MECOM: variants seen among roughly 807,000 people sequenced by gnomAD.
MECOM encodes histone-lysine N-methyltransferase MECOM.
In MECOM, 13 loss-of-function variants were observed where a neutral mutation model predicts 116.3. The observed-to-expected ratio is 0.11, with a 90% CI of 0.07 to 0.18. The LOEUF is 0.18. Among genes scored for constraint, MECOM ranks in the 10% least tolerant of loss-of-function variants. The pLI is 1.00. For missense variants in MECOM, 1,299 were observed against 1,509.0 expected (o/e 0.86, Z 2.31); for synonymous variants, 528 against 535.2 (o/e 0.99, Z 0.19).
intron 9 of MECOM, among the ~76,000 whole-genome samples, chr3:169,111,221 T>C (rs1422005401): frequency 1.3e-5 from 2 of 152,144 alleles, no homozygotes; most frequent in African/African-American, 4.8e-5. Context: ...AATCCCTTTT[T>C]GGTTTTTCTC....
At chr3:169,296,205 C>G (rs1715569106) in intron 2 of MECOM, among the ~76,000 whole-genome samples, 1 of 152,168 alleles carries the variant, frequency 6.6e-6, no homozygotes, top group African/African-American at 2.4e-5. Flanking sequence ...TATGGGACTC[C>G]TAAGTCATTG....
intron 1 of MECOM, among the ~76,000 whole-genome samples, chr3:169,551,373 T>TAAA (rs201636185): frequency 6.9e-6 from 1 of 145,742 alleles, no homozygotes; most frequent in African/African-American, 2.5e-5. Context: ...ATCTACACTT[T>TAAA]AAAAAAAAAA....
chr3:169,305,210 TTAATTCA>T (rs1371923635), intron 2 of MECOM, among the ~76,000 whole-genome samples: 1 of 152,206 alleles, frequency 6.6e-6, no homozygotes, highest in Non-Finnish European at 1.5e-5. Flanking sequence ...AAGGAGCTAC[TTAATTCA>T]TAATATAATC....
chr3:169,659,620 C>T (rs936047382), intron 1 of MECOM, among the ~76,000 whole-genome samples: 1 of 152,000 alleles, frequency 6.6e-6, no homozygotes, highest in Non-Finnish European at 1.5e-5. Flanking sequence ...AAGGATTTTC[C>T]TCCTCAGAAG....
chr3:169,341,777 T>A (rs1481329192), intron 2 of MECOM, among the ~76,000 whole-genome samples: 1 of 151,598 alleles, frequency 6.6e-6, no homozygotes, highest in Non-Finnish European at 1.5e-5. Context: ...AACCTACTGT[T>A]TGATAGCACA....
chr3:169,420,001 T>C (rs765744762), intron 1 of MECOM, among the ~76,000 whole-genome samples: 2 of 152,066 alleles, frequency 1.3e-5, no homozygotes, highest in Non-Finnish European at 2.9e-5. Flanking sequence ...AACAAACATA[T>C]GAATAAAAGC....
At chr3:169,441,593 G>A (rs139868345) in intron 1 of MECOM, among the ~76,000 whole-genome samples, 29 of 152,158 alleles carry the variant, frequency 1.9e-4, no homozygotes, top group South Asian at 2.1e-4. Flanking sequence ...ATGGTATTAC[G>A]TGCATGTAGA....
At chr3:169,101,139 AC>A (rs76445355) in intron 11 of MECOM, among the ~76,000 whole-genome samples, 177 bp from the exon 12 acceptor site, 9,587 of 152,312 alleles carry the variant, frequency 0.063, 445 homozygotes, top group South Asian at 0.2. Context: ...AAATAACTCT[AC>A]AAATAAAGAC....
In MECOM at chr3:169,144,969, C is replaced by T. The variant is rs1188000078; in HGVS notation, c.376-1137G>A. 4.5e-6 allele frequency: 7 copies of T among 1,539,126 alleles called. No individual in the cohort carries two copies. In the Admixed American group the frequency reaches 7.6e-5, roughly 17 times the overall value. ...TTTGCATAGAATTCAGGCAATCACC[C>T]AATTGCAGATTCAAGTCATTAACTC... On this transcript the variant is annotated intron_variant, in intron 2 of 16. Transcript: ENST00000651503.
At chr3:169,405,804 AG>A (rs1736608389) in intron 1 of MECOM, among the ~76,000 whole-genome samples, 1 of 152,338 alleles carries the variant, frequency 6.6e-6, no homozygotes, top group East Asian at 1.9e-4. Context: ...TATGAGAAAA[AG>A]GGTGGTTGTA....
At chr3:169,412,929 A>G (rs1234437781) in intron 1 of MECOM, among the ~76,000 whole-genome samples, 1 of 152,242 alleles carries the variant, frequency 6.6e-6, no homozygotes, top group East Asian at 1.9e-4. Context: ...ACCATTGAGC[A>G]CTTACTTTTG....
chr3:169,418,050 A>G (rs931885330), intron 1 of MECOM, among the ~76,000 whole-genome samples: 2 of 151,586 alleles, frequency 1.3e-5, no homozygotes, highest in African/African-American at 2.4e-5. Flanking sequence ...TGGCACATGT[A>G]TACATATGTA....
chr3:169,649,424 AAAAAAT>A (rs1410871443), intron 1 of MECOM, among the ~76,000 whole-genome samples: 41 of 151,262 alleles, frequency 2.7e-4, no homozygotes, highest in Non-Finnish European at 5.3e-4. Flanking sequence ...AAAAAAAAAA[AAAAAAT>A]AGGAAAACAA....
intron 2 of MECOM, among the ~76,000 whole-genome samples, chr3:169,221,421 T>C (rs1487384112): frequency 1.3e-5 from 2 of 152,200 alleles, no homozygotes; most frequent in Non-Finnish European, 2.9e-5. Context: ...ACAATTACCC[T>C]AGCATCCAAA....
chr3:169,359,258 T>C (rs972798995), intron 2 of MECOM, among the ~76,000 whole-genome samples: 1 of 151,754 alleles, frequency 6.6e-6, no homozygotes, highest in African/African-American at 2.4e-5. Flanking sequence ...AGGTGCTTAG[T>C]TGGACTATAC....
chr3:169,207,847 A>C (rs1013172081), intron 2 of MECOM, among the ~76,000 whole-genome samples: 2 of 152,168 alleles, frequency 1.3e-5, no homozygotes, highest in African/African-American at 4.8e-5. Context: ...CAATATTGGC[A>C]GTCCCTTAGA....
At chr3:169,303,656 C>T (rs1717177096) in intron 2 of MECOM, among the ~76,000 whole-genome samples, 1 of 152,164 alleles carries the variant, frequency 6.6e-6, no homozygotes, top group Non-Finnish European at 1.5e-5. Context: ...TGTGAGTATC[C>T]AATCCTGATT....
intron 1 of MECOM, among the ~76,000 whole-genome samples, chr3:169,506,347 C>G (rs905710301): frequency 6.6e-6 from 1 of 152,156 alleles, no homozygotes; most frequent in East Asian, 1.9e-4. Context: ...GCCACATCCC[C>G]GCTGGTGCCG....
intron 1 of MECOM, among the ~76,000 whole-genome samples, chr3:169,645,580 A>C (rs996493734): frequency 6.6e-6 from 1 of 152,184 alleles, no homozygotes; most frequent in African/African-American, 2.4e-5. Flanking sequence ...ATTCTCCACA[A>C]ACATCCACTC....
Sources: gnomAD v4.1 joint callset for allele counts (sites outside exome capture counted in the v4.1 genomes callset) on GRCh38, gnomAD v4.1.1 for gene constraint, MANE v1.5 for transcripts, NCBI Gene and HGNC (gene_info 2026-07-23, HGNC 2026-07-21) for gene names.